MRTFA: variants seen among roughly 807,000 people sequenced by gnomAD.
MRTFA encodes the protein myocardin-related transcription factor A.
Under a neutral mutation model 83.5 loss-of-function variants are expected in MRTFA, and 20 were observed. The observed-to-expected ratio is 0.24, with a 90% CI of 0.17 to 0.35. MRTFA has a LOEUF of 0.35. Among genes scored for constraint, MRTFA ranks in the 10% least tolerant of loss-of-function variants. The pLI, the probability that MRTFA is intolerant of heterozygous loss-of-function variation, is 1.00. For missense variants in MRTFA, 1,200 were observed against 1,224.7 expected (o/e 0.98, Z 0.30); for synonymous variants, 659 against 541.2 (o/e 1.22, Z -3.02).
At chr22:40,487,116 C>T (rs773578084) in intron 3 of MRTFA, among the ~76,000 whole-genome samples, 4 of 152,176 alleles carry the variant, frequency 2.6e-5, no homozygotes, top group Non-Finnish European at 5.9e-5. Flanking sequence ...GGCTAAATAA[C>T]ATCTAAGGAC....
chr22:40,434,931 G>A (rs1395122211), intron 5 of MRTFA, among the ~76,000 whole-genome samples: 2 of 152,154 alleles, frequency 1.3e-5, no homozygotes, highest in Admixed American at 1.3e-4. Context: ...ACAGAGTTGG[G>A]ATGGGGACGC....
intron 3 of MRTFA, among the ~76,000 whole-genome samples, chr22:40,535,872 ATT>A (rs1331151711): frequency 6.6e-6 from 1 of 152,214 alleles, no homozygotes; most frequent in Non-Finnish European, 1.5e-5. Context: ...CACAGGAGAT[ATT>A]GAGAGTCATG....
chr22:40,438,231 G>A (rs2053208346), intron 4 of MRTFA, among the ~76,000 whole-genome samples: 2 of 152,164 alleles, frequency 1.3e-5, no homozygotes, highest in African/African-American at 4.8e-5. Flanking sequence ...ACCCTTGTAA[G>A]GAAGAAACAC....
intron 14 of MRTFA, 31 bp from the exon 15 acceptor site, chr22:40,411,938 T>G: frequency 1.4e-6 from 2 of 1,449,742 alleles, no homozygotes; most frequent in Non-Finnish European, 1.8e-6. Context: ...TAAATGGATA[T>G]CAGAAGCCAA....
chr22:40,555,442 TC>T (rs1033565865), intron 2 of MRTFA, among the ~76,000 whole-genome samples: 32 of 152,088 alleles, frequency 2.1e-4, no homozygotes, highest in African/African-American at 7.5e-4. Flanking sequence ...CTGCCCCCCT[TC>T]TTTCTCTTGC....
chr22:40,579,984 TA>T (rs1386256990), intron 2 of MRTFA, among the ~76,000 whole-genome samples: 1 of 152,150 alleles, frequency 6.6e-6, no homozygotes, highest in East Asian at 1.9e-4. Context: ...ATTACTGTGT[TA>T]ATCAAGCACT....
At chr22:40,552,063 C>T in intron 3 of MRTFA, 43 bp downstream of exon 3, 1 of 397,660 alleles carries the variant, frequency 2.5e-6, no homozygotes, top group Non-Finnish European at 4.4e-6. Context: ...ACATGAAGAT[C>T]CTGGTTCAAA....
chr22:40,464,571 G>A (rs941685859), intron 3 of MRTFA, among the ~76,000 whole-genome samples: 2 of 151,804 alleles, frequency 1.3e-5, no homozygotes, highest in African/African-American at 4.8e-5. Context: ...GGATCCCACG[G>A]GCCAAGGAAA....
At chr22:40,553,408 C>T (rs2055472915) in intron 2 of MRTFA, among the ~76,000 whole-genome samples, 1 of 152,178 alleles carries the variant, frequency 6.6e-6, no homozygotes, top group South Asian at 2.1e-4. Context: ...GGCCTTCCTG[C>T]TCTGTGCAGC....
intron 4 of MRTFA, 116 bp downstream of exon 4, chr22:40,463,105 T>G: frequency 2.3e-6 from 2 of 852,836 alleles, no homozygotes; most frequent in Non-Finnish European, 3.9e-6. Flanking sequence ...AAGAAGAGAG[T>G]GGAAAATAAA....
chr22:40,421,735 G>A (rs2052845180), intron 9 of MRTFA, among the ~76,000 whole-genome samples: 1 of 152,194 alleles, frequency 6.6e-6, no homozygotes, highest in Non-Finnish European at 1.5e-5. Context: ...TGATATATGG[G>A]AGGTCTGTTC....
intron 2 of MRTFA, among the ~76,000 whole-genome samples, chr22:40,564,074 A>G (rs907270580): frequency 2.0e-5 from 3 of 152,226 alleles, no homozygotes; most frequent in Admixed American, 2.0e-4. Context: ...ATGAATGAAG[A>G]CAGGATTTAT....
intron 2 of MRTFA, among the ~76,000 whole-genome samples, chr22:40,578,100 C>T (rs889612477): frequency 1.3e-4 from 19 of 151,888 alleles, no homozygotes; most frequent in African/African-American, 3.9e-4. Flanking sequence ...ATTACAGACA[C>T]GTGCCACCAT....
intron 4 of MRTFA, among the ~76,000 whole-genome samples, chr22:40,459,239 C>CAA (rs59958160): frequency 7.8e-4 from 68 of 86,842 alleles, no homozygotes; most frequent in East Asian, 1.1e-3. Context: ...AGGGGTCTGG[C>CAA]AAAAAAAAAA....
At chr22:40,547,748 G>C (rs1051490249) in intron 3 of MRTFA, among the ~76,000 whole-genome samples, 1 of 151,604 alleles carries the variant, frequency 6.6e-6, no homozygotes, top group Non-Finnish European at 1.5e-5. Flanking sequence ...CCAGCTACTC[G>C]GTAGCTCAGG....
chr22:40,571,988 T>C (rs9623194), intron 2 of MRTFA, among the ~76,000 whole-genome samples: 2,098 of 128,814 alleles, frequency 0.016, 55 homozygotes, highest in African/African-American at 0.057. Context: ...TCAACATCAC[T>C]AGTCATTAGG....
At chr22:40,622,537 G>A (rs897818856) in intron 1 of MRTFA, among the ~76,000 whole-genome samples, 7 of 151,420 alleles carry the variant, frequency 4.6e-5, no homozygotes, top group Admixed American at 4.0e-4. Flanking sequence ...GTCCTTACAA[G>A]AGAAGAGGGA....
chr22:40,613,193 G>A (rs558996177), intron 1 of MRTFA, among the ~76,000 whole-genome samples: 1 of 152,192 alleles, frequency 6.6e-6, no homozygotes, highest in African/African-American at 2.4e-5. Context: ...TTTTTTCTAA[G>A]TAGTAATCCA....
intron 2 of MRTFA, among the ~76,000 whole-genome samples, chr22:40,589,105 G>A (rs1409078433): frequency 6.6e-6 from 1 of 152,076 alleles, no homozygotes; most frequent in Non-Finnish European, 1.5e-5. Context: ...ACATGGTTGG[G>A]GGGTGTATGG....
Sources: allele counts gnomAD v4.1 joint callset (sites outside exome capture counted in the v4.1 genomes callset), GRCh38; gene constraint gnomAD v4.1.1; transcripts MANE v1.5; gene names NCBI Gene and HGNC (gene_info 2026-07-23, HGNC 2026-07-21).